Variants in LAMA2 observed in about 807,000 individuals in gnomAD.
The protein encoded by LAMA2 is laminin subunit alpha 2.
Under a neutral mutation model 364.8 loss-of-function variants are expected in LAMA2, and 269 were observed. The observed-to-expected ratio is 0.74, with a 90% CI of 0.67 to 0.82. The LOEUF (loss-of-function observed/expected upper bound fraction) is 0.82, where lower values mean the gene tolerates loss of function less well. Among genes scored for constraint, LAMA2 ranks in the 40% least tolerant of loss-of-function variants. LAMA2 has a pLI of 0.00. For synonymous variants in LAMA2, 1,379 were observed against 1,370.6 expected (o/e 1.01, Z -0.14); for missense variants, 3,807 against 3,873.2 (o/e 0.98, Z 0.45).
At chr6:128,956,719 T>C (rs1334703544) in intron 1 of LAMA2, among the ~76,000 whole-genome samples, 2 of 152,128 alleles carry the variant, frequency 1.3e-5, no homozygotes, top group East Asian at 3.9e-4. Context: ...GTTTTAATCA[T>C]TATCATCTAC....
intron 9 of LAMA2, among the ~76,000 whole-genome samples, 185 bp from the exon 10 acceptor site, chr6:129,177,521 A>G (rs1214895870): frequency 2.6e-5 from 4 of 152,202 alleles, no homozygotes; most frequent in Non-Finnish European, 4.4e-5. Context: ...TGCTATGTTC[A>G]CGTAATCATA....
chr6:129,251,869 AG>A (rs1209042452), intron 13 of LAMA2, among the ~76,000 whole-genome samples: 14 of 152,300 alleles, frequency 9.2e-5, no homozygotes, highest in African/African-American at 3.4e-4. Flanking sequence ...TGGGAGGCAC[AG>A]GTGGCAGCGA....
Position 129,296,849 on chromosome 6 carries a change from C to T in LAMA2, c.2857-836C>T, listed in dbSNP as rs140816043. On this transcript the variant is annotated intron_variant, in intron 20 of 64. Coordinates refer to ENST00000421865, the MANE Select transcript of LAMA2 (RefSeq NM_000426.4). ...GATAGATGATTTTCATTTTTCTGCT[C>T]GGAGTGATTTTTTAATCCATCAGCA... Among the ~76,000 whole-genome samples the T allele has an allele frequency of 8.0e-3, 1,219 of 152,102 alleles. 16 individuals carry two copies. The highest frequency in any genetic ancestry group is 0.013 in the Non-Finnish European group (870 of 67,952).
chr6:128,998,115 A>G (rs934306136), intron 1 of LAMA2, among the ~76,000 whole-genome samples: 8 of 152,166 alleles, frequency 5.3e-5, no homozygotes, highest in East Asian at 1.9e-4. Flanking sequence ...AGAGGAGGAA[A>G]AGAGGTCAGC....
At chr6:128,927,393 T>G (rs963567334) in intron 1 of LAMA2, among the ~76,000 whole-genome samples, 1 of 152,222 alleles carries the variant, frequency 6.6e-6, no homozygotes, top group Non-Finnish European at 1.5e-5. Context: ...TAAATGGACT[T>G]CAAGAAATTT....
At chr6:128,898,924 C>T (rs1776924106) in intron 1 of LAMA2, among the ~76,000 whole-genome samples, 1 of 152,088 alleles carries the variant, frequency 6.6e-6, no homozygotes, top group South Asian at 2.1e-4. Context: ...CCATTAGATC[C>T]CTGATGGCTG....
intron 5 of LAMA2, among the ~76,000 whole-genome samples, chr6:129,146,686 G>C (rs1220833334): frequency 6.6e-6 from 1 of 151,976 alleles, no homozygotes; most frequent in Non-Finnish European, 1.5e-5. Flanking sequence ...TCAGCCACAG[G>C]TACTCTAGCA....
At chr6:129,197,482 C>G (rs550496338) in intron 12 of LAMA2, among the ~76,000 whole-genome samples, 2 of 152,328 alleles carry the variant, frequency 1.3e-5, no homozygotes, top group South Asian at 4.1e-4. Flanking sequence ...TGGAAGCCCC[C>G]ACCTCGCTTC....
intron 1 of LAMA2, among the ~76,000 whole-genome samples, chr6:129,047,467 C>T (rs1016349307): frequency 1.3e-5 from 2 of 152,096 alleles, no homozygotes; most frequent in African/African-American, 4.8e-5. Flanking sequence ...TTGGGAACCT[C>T]AACTTTCAGC....
chr6:129,325,736 G>T (rs1775239991), intron 28 of LAMA2, among the ~76,000 whole-genome samples: 1 of 152,110 alleles, frequency 6.6e-6, no homozygotes, highest in African/African-American at 2.4e-5. Context: ...AGGAAACTGG[G>T]TCTCAAAGTA....
chr6:129,113,070 A>G (rs1005529494), intron 4 of LAMA2, among the ~76,000 whole-genome samples: 1 of 152,116 alleles, frequency 6.6e-6, no homozygotes, highest in Non-Finnish European at 1.5e-5. Flanking sequence ...TAAAATAAAA[A>G]GAAGGATGTT....
chr6:129,411,634 G>T (rs1780544022), intron 40 of LAMA2, among the ~76,000 whole-genome samples: 1 of 152,116 alleles, frequency 6.6e-6, no homozygotes, highest in Admixed American at 6.5e-5. Context: ...GAATAAACAG[G>T]ACTTTTGAAA....
At chr6:129,150,675 G>A (rs1778738242) in intron 7 of LAMA2, among the ~76,000 whole-genome samples, 1 of 152,146 alleles carries the variant, frequency 6.6e-6, no homozygotes, top group South Asian at 2.1e-4. Context: ...TTCCCTGTAG[G>A]GAAGAGGGGA....
At chr6:128,900,029 A>C (rs1422637279) in intron 1 of LAMA2, among the ~76,000 whole-genome samples, 1 of 152,146 alleles carries the variant, frequency 6.6e-6, no homozygotes, top group African/African-American at 2.4e-5. Flanking sequence ...ATACCACCAA[A>C]GTCCTTCCTA....
chr6:129,388,677 G>C (rs181516263), intron 35 of LAMA2, among the ~76,000 whole-genome samples: 1 of 151,336 alleles, frequency 6.6e-6, no homozygotes, highest in Non-Finnish European at 1.5e-5. Context: ...ATTTATACAC[G>C]CACACACACA....
At position 128,977,788 on chromosome 6, in the gene LAMA2, T is replaced by G. The variant is rs574323129; in HGVS notation, c.113-72130T>G. On this transcript the variant is annotated intron_variant, in intron 1 of 64. Coordinates refer to ENST00000421865, the MANE Select transcript of LAMA2 (RefSeq NM_000426.4). ...ACTTTTCTCTAGTTTTACCACTGTT[T>G]TGATAAATAATCTTACAGTGGAGGA... 6.6e-5 allele frequency among the ~76,000 whole-genome samples: 10 copies of G among 152,358 alleles called. No individual in the cohort carries two copies. In the East Asian group the frequency reaches 1.9e-3, roughly 29 times the overall value.
Position 129,342,340 on chromosome 6 carries a change from C to A in LAMA2, c.4312-3C>A. On this transcript the variant is annotated splice_region_variant and splice_polypyrimidine_tract_variant and intron_variant, in intron 29 of 64. Transcript: ENST00000421865. ...CAAACTTCTTCTCCCTTTTCCTTTA[C>A]AGAATTGTCAACATCACACTGCTGG... The A allele has an allele frequency of 6.2e-7, 1 of 1,612,290 alleles. No individual in the cohort carries two copies. Among genetic ancestry groups the A allele is most frequent in the Non-Finnish European group, 8.5e-7 (1 of 1,178,712 alleles).
intron 12 of LAMA2, among the ~76,000 whole-genome samples, chr6:129,204,977 TC>T (rs969411369): frequency 1.3e-5 from 2 of 152,176 alleles, no homozygotes; most frequent in African/African-American, 4.8e-5. Context: ...ATCATTGTCT[TC>T]TAACATATAG....
rs114151663 is a variant in LAMA2, at chr6:128,953,434, A to G, written c.112+70077A>G. 6.5e-3 allele frequency among the ~76,000 whole-genome samples: 993 copies of G among 152,244 alleles called. 12 individuals carry two copies. Among genetic ancestry groups the G allele is most frequent in the African/African-American group, 0.023 (946 of 41,568 alleles). ...AAAAACATAGTTTGTATAAAATATT[A>G]CTATACCCTTTACTATGTAATGTCT... On this transcript the variant is annotated intron_variant, in intron 1 of 64. Coordinates refer to ENST00000421865, the MANE Select transcript of LAMA2 (RefSeq NM_000426.4).
Sources: gnomAD v4.1 joint callset for allele counts (sites outside exome capture counted in the v4.1 genomes callset) on GRCh38, gnomAD v4.1.1 for gene constraint, MANE v1.5 for transcripts, NCBI Gene and HGNC (gene_info 2026-07-23, HGNC 2026-07-21) for gene names.